The following MOGAT1 variants were observed in gnomAD, a reference collection of about 807,000 sequenced individuals.
MOGAT1 encodes monoacylglycerol O-acyltransferase 1.
MOGAT1 carries 32 observed loss-of-function variants against 31.4 expected under a neutral mutation model. The observed-to-expected ratio is 1.02, with a 90% CI of 0.77 to 1.37. MOGAT1 has a LOEUF of 1.37. Among genes scored for constraint, MOGAT1 ranks in the 40% most tolerant of loss-of-function variants. The pLI is 0.00. For synonymous variants in MOGAT1, 145 were observed against 144.5 expected, an observed-to-expected ratio of 1.00 and a Z score of -0.03; for missense variants, 426 against 402.0, an observed-to-expected ratio of 1.06 and a Z score of -0.51.
chr2:222,679,704 T>C (rs929129409), intron 1 of MOGAT1, among the ~76,000 whole-genome samples: 1 of 152,224 alleles, frequency 6.6e-6, no homozygotes, highest in Non-Finnish European at 1.5e-5. Context: ...AAACAGAAAT[T>C]ATGAGCAGTC....
chr2:222,696,269 C>G (rs1453555933), intron 5 of MOGAT1, among the ~76,000 whole-genome samples: 1 of 152,216 alleles, frequency 6.6e-6, no homozygotes, highest in East Asian at 1.9e-4. Context: ...TTCTTTTCCT[C>G]AGGGTAGATA....
chr2:222,681,927 T>C (rs1692586283), intron 1 of MOGAT1, among the ~76,000 whole-genome samples: 1 of 152,248 alleles, frequency 6.6e-6, no homozygotes. Flanking sequence ...AATATTATTA[T>C]GTCACAGATA....
chr2:222,679,946 T>C (rs139699331), intron 1 of MOGAT1, among the ~76,000 whole-genome samples: 2 of 152,326 alleles, frequency 1.3e-5, no homozygotes, highest in Non-Finnish European at 2.9e-5. Context: ...GACATGACAA[T>C]AGCCAATCCA....
Position 222,704,619 on chromosome 2 carries a change from G to A in MOGAT1, c.854-5117G>A, listed in dbSNP as rs191701679. 1.8e-4 allele frequency among the ~76,000 whole-genome samples: 27 copies of A among 150,802 alleles called. No homozygotes were observed. The East Asian group carries it at 2.5e-3, about 14-fold the overall frequency. Reference sequence around the variant, plus strand: ...AGCCTGGGCGACAAAGCGAGACTCCGTCTCCAGAAAAAAAAAAAAAGAGTA... The same window carrying A: ...AGCCTGGGCGACAAAGCGAGACTCCATCTCCAGAAAAAAAAAAAAAGAGTA... On this transcript the variant is annotated intron_variant, in intron 5 of 5. Transcript: ENST00000446656.
intron 3 of MOGAT1, among the ~76,000 whole-genome samples, chr2:222,693,572 G>A (rs137929360): frequency 1.3e-5 from 2 of 151,956 alleles, no homozygotes; most frequent in African/African-American, 4.8e-5. Context: ...GGCTGGGGAG[G>A]CCTCATAATC....
intron 1 of MOGAT1, among the ~76,000 whole-genome samples, chr2:222,686,498 A>G (rs922735536): frequency 6.6e-5 from 10 of 152,238 alleles, no homozygotes; most frequent in Admixed American, 1.3e-4. Flanking sequence ...ACATCTTACC[A>G]AAATAAACAG....
At chr2:222,680,841 T>C (rs1397277231) in intron 1 of MOGAT1, among the ~76,000 whole-genome samples, 2 of 152,210 alleles carry the variant, frequency 1.3e-5, no homozygotes, top group Non-Finnish European at 2.9e-5. Context: ...TTAAATTATT[T>C]CTTAATTATG....
At chr2:222,679,827 A>G (rs2106032256) in intron 1 of MOGAT1, among the ~76,000 whole-genome samples, 1 of 152,374 alleles carries the variant, frequency 6.6e-6, no homozygotes, top group East Asian at 1.9e-4. Context: ...GGAAGCAGGT[A>G]GATCTCCAAA....
At chr2:222,689,552 T>C in intron 3 of MOGAT1, 83 bp downstream of exon 3, 1 of 1,318,798 alleles carries the variant, frequency 7.6e-7, no homozygotes, top group Non-Finnish European at 1.1e-6. Flanking sequence ...CCCATGTGTG[T>C]TTATGGTCTC....
At chr2:222,701,582 AAAAGAAAG>A (rs768033643) in intron 5 of MOGAT1, among the ~76,000 whole-genome samples, 1 of 85,026 alleles carries the variant, frequency 1.2e-5, no homozygotes, top group Admixed American at 1.1e-4. Context: ...AAAAGAAAGA[AAAAGAAAG>A]AAAGAAAGGG....
chr2:222,677,095 T>C (rs1379912651), intron 1 of MOGAT1, among the ~76,000 whole-genome samples: 1 of 152,214 alleles, frequency 6.6e-6, no homozygotes, highest in African/African-American at 2.4e-5. Context: ...TTGGGAAGGT[T>C]TCTTGAGCAG....
chr2:222,688,277 G>A, intron 1 of MOGAT1, 67 bp from the exon 2 acceptor site: 2 of 1,298,360 alleles, frequency 1.5e-6, no homozygotes, highest in Non-Finnish European at 2.1e-6. Flanking sequence ...TAATCCCCCT[G>A]CCATGGGCCA....
intron 1 of MOGAT1, among the ~76,000 whole-genome samples, chr2:222,679,569 C>A (rs1488365260): frequency 6.6e-6 from 1 of 152,104 alleles, no homozygotes; most frequent in African/African-American, 2.4e-5. Context: ...AGCCACAGTA[C>A]AATTACCCAA....
intron 3 of MOGAT1, among the ~76,000 whole-genome samples, chr2:222,690,727 G>C (rs932047773): frequency 6.6e-6 from 1 of 152,052 alleles, no homozygotes; most frequent in Non-Finnish European, 1.5e-5. Flanking sequence ...GTCCAGCCTG[G>C]TCCCGAGGGC....
At chr2:222,692,110 T>C (rs1264892935) in intron 3 of MOGAT1, among the ~76,000 whole-genome samples, 1 of 152,130 alleles carries the variant, frequency 6.6e-6, no homozygotes, top group East Asian at 1.9e-4. Context: ...TTTGGTGTGA[T>C]AGAAAGATAA....
At chr2:222,697,192 A>G (rs1367705012) in intron 5 of MOGAT1, among the ~76,000 whole-genome samples, 2 of 152,204 alleles carry the variant, frequency 1.3e-5, no homozygotes. Flanking sequence ...GCTGGAAGTA[A>G]TATGTTCACC....
At chr2:222,690,465 G>A (rs530578824) in intron 3 of MOGAT1, among the ~76,000 whole-genome samples, 2 of 152,158 alleles carry the variant, frequency 1.3e-5, no homozygotes, top group South Asian at 4.2e-4. Context: ...GCTGAGGTGG[G>A]GGAACTGCTT....
intron 1 of MOGAT1, among the ~76,000 whole-genome samples, chr2:222,682,410 A>G (rs1239899914): frequency 6.6e-6 from 1 of 152,124 alleles, no homozygotes; most frequent in East Asian, 1.9e-4. Context: ...TTGTTTTTAA[A>G]GCTTTTACAA....
chr2:222,691,204 A>T (rs1419845539), intron 3 of MOGAT1, among the ~76,000 whole-genome samples: 21 of 120,386 alleles, frequency 1.7e-4, no homozygotes, highest in African/African-American at 5.4e-4. Context: ...TTTTTATTTT[A>T]TTTTATTTTA....
Sources: gnomAD v4.1 joint callset for allele counts (sites outside exome capture counted in the v4.1 genomes callset) on GRCh38, gnomAD v4.1.1 for gene constraint, MANE v1.5 for transcripts, NCBI Gene and HGNC (gene_info 2026-07-23, HGNC 2026-07-21) for gene names.